FHIT: variants seen among roughly 807,000 people sequenced by gnomAD.
FHIT encodes fragile histidine triad diadenosine triphosphatase.
Under a neutral mutation model 17.9 loss-of-function variants are expected in FHIT, and 19 were observed. The observed-to-expected ratio is 1.06, with a 90% CI of 0.74 to 1.56. FHIT has a LOEUF of 1.56. Among genes scored for constraint, FHIT ranks in the 40% most tolerant of loss-of-function variants. The pLI is 0.00. For synonymous variants in FHIT, 81 were observed against 69.7 expected, an observed-to-expected ratio of 1.16 and a Z score of -0.81; for missense variants, 248 against 189.2, an observed-to-expected ratio of 1.31 and a Z score of -1.82.
intron 5 of FHIT, among the ~76,000 whole-genome samples, chr3:60,140,949 A>ATTTCTT (rs1409624397): frequency 6.6e-6 from 1 of 152,120 alleles, no homozygotes; most frequent in Admixed American, 6.5e-5. Flanking sequence ...CGGTCAGTAA[A>ATTTCTT]TTTCTTTTTC....
chr3:61,057,335 C>T (rs950793081), intron 2 of FHIT, among the ~76,000 whole-genome samples: 1 of 152,148 alleles, frequency 6.6e-6, no homozygotes, highest in Non-Finnish European at 1.5e-5. Flanking sequence ...ATTAAGTTAA[C>T]ATTGGGGGTT....
chr3:60,750,044 C>G (rs782790836), intron 4 of FHIT, among the ~76,000 whole-genome samples: 1 of 152,072 alleles, frequency 6.6e-6, no homozygotes, highest in African/African-American at 2.4e-5. Flanking sequence ...TTGTCAAAGC[C>G]ATATAACTAG....
intron 4 of FHIT, among the ~76,000 whole-genome samples, chr3:60,578,598 A>C (rs1380822959): frequency 6.6e-6 from 1 of 152,180 alleles, no homozygotes; most frequent in Non-Finnish European, 1.5e-5. Context: ...AATTCAGCTT[A>C]TATCATATGT....
intron 5 of FHIT, among the ~76,000 whole-genome samples, chr3:60,131,438 T>A (rs1351600556): frequency 6.6e-6 from 1 of 152,124 alleles, no homozygotes; most frequent in Admixed American, 6.6e-5. Context: ...CCAATACTCA[T>A]ATTCGCACAG....
intron 5 of FHIT, among the ~76,000 whole-genome samples, chr3:60,434,340 T>C (rs568190555): frequency 1.4e-4 from 22 of 152,258 alleles, no homozygotes; most frequent in African/African-American, 4.6e-4. Flanking sequence ...TTTTAAAGAA[T>C]AGGCAAGTTA....
chr3:59,795,551 C>T (rs902951248), intron 8 of FHIT, among the ~76,000 whole-genome samples: 1 of 151,872 alleles, frequency 6.6e-6, no homozygotes, highest in Non-Finnish European at 1.5e-5. Flanking sequence ...GGCAAAACCT[C>T]ATCTCTACCA....
At chr3:59,983,190 C>T (rs564183313) in intron 7 of FHIT, among the ~76,000 whole-genome samples, 1 of 152,180 alleles carries the variant, frequency 6.6e-6, no homozygotes, top group African/African-American at 2.4e-5. Flanking sequence ...CGGCCCACCT[C>T]AGTCTCCCAA....
intron 2 of FHIT, among the ~76,000 whole-genome samples, chr3:61,099,652 C>T (rs1456489984): frequency 2.6e-5 from 4 of 151,902 alleles, no homozygotes; most frequent in Admixed American, 6.6e-5. Context: ...GGTGGGTGAA[C>T]GTGTCTAGGA....
intron 5 of FHIT, among the ~76,000 whole-genome samples, chr3:60,173,915 A>ATATATATATATATATTTTTTTTTTTTT: frequency 1.5e-5 from 1 of 66,442 alleles, no homozygotes; most frequent in Non-Finnish European, 2.8e-5. Context: ...ATATATATAT[A>ATATATATATATATATTTTTTTTTTTTT]TGTTTTTTTT....
At chr3:59,893,679 G>A (rs1703948613) in intron 8 of FHIT, among the ~76,000 whole-genome samples, 1 of 152,184 alleles carries the variant, frequency 6.6e-6, no homozygotes, top group South Asian at 2.1e-4. Flanking sequence ...AAAGTTCAGG[G>A]GAGCCTGAAA....
At chr3:60,626,888 T>G (rs1463771264) in intron 4 of FHIT, among the ~76,000 whole-genome samples, 1 of 151,822 alleles carries the variant, frequency 6.6e-6, no homozygotes, top group Non-Finnish European at 1.5e-5. Flanking sequence ...TTTCCTTGAG[T>G]GTTTTTATCA....
chr3:60,900,578 C>T (rs1024833594), intron 3 of FHIT, among the ~76,000 whole-genome samples: 1 of 152,020 alleles, frequency 6.6e-6, no homozygotes, highest in African/African-American at 2.4e-5. Context: ...CATATTTGAG[C>T]CTGCATGGAC....
At position 60,115,392 on chromosome 3, in the gene FHIT, T is replaced by C. The variant is rs991722285; in HGVS notation, c.104-101240A>G. On this transcript the variant is annotated intron_variant, in intron 5 of 9. Transcript: ENST00000492590. ...AGAATAAGAAATATATGTGGTTAACTACCATATGATAAAATACTCAACTTC... is the reference window on the plus strand; with the variant it reads ...AGAATAAGAAATATATGTGGTTAACCACCATATGATAAAATACTCAACTTC... 4.6e-5 allele frequency among the ~76,000 whole-genome samples: 7 copies of C among 152,282 alleles called. No homozygotes were observed. The East Asian group carries it at 1.2e-3, about 25-fold the overall frequency.
chr3:60,993,136 G>C (rs1344724311), intron 3 of FHIT, among the ~76,000 whole-genome samples: 1 of 152,182 alleles, frequency 6.6e-6, no homozygotes, highest in Non-Finnish European at 1.5e-5. Context: ...GAATGGTTCA[G>C]AGTTTTTCTG....
At chr3:61,177,810 T>C (rs1253928318) in intron 2 of FHIT, among the ~76,000 whole-genome samples, 2 of 152,204 alleles carry the variant, frequency 1.3e-5, no homozygotes, top group African/African-American at 4.8e-5. Context: ...TCTGAAGCAA[T>C]GTAATTAGGT....
intron 2 of FHIT, among the ~76,000 whole-genome samples, chr3:61,128,912 T>C (rs1366456983): frequency 1.3e-5 from 2 of 152,268 alleles, no homozygotes; most frequent in East Asian, 3.9e-4. Flanking sequence ...ACCCTATACA[T>C]GCTTCCTACG....
intron 4 of FHIT, among the ~76,000 whole-genome samples, chr3:60,779,599 C>T (rs543893081): frequency 2.6e-5 from 4 of 152,178 alleles, no homozygotes; most frequent in Non-Finnish European, 5.9e-5. Flanking sequence ...ATCCTTTTCT[C>T]TCTCTTGTTG....
Position 60,090,416 on chromosome 3 carries a change from T to C in FHIT, c.104-76264A>G, listed in dbSNP as rs191958452. 2.2e-3 allele frequency among the ~76,000 whole-genome samples: 334 copies of C among 152,292 alleles called. 2 individuals carry two copies. Among genetic ancestry groups the C allele is most frequent in the Non-Finnish European group, 3.8e-3 (258 of 68,030 alleles). ...ATGACAGTACTAATTCAGTGGCCTG[T>C]TTGGTAGAAAGTCAGTCTCCCTTCT... On this transcript the variant is annotated intron_variant, in intron 5 of 9. Transcript: ENST00000492590.
At chr3:60,180,269 C>T (rs1701869107) in intron 5 of FHIT, among the ~76,000 whole-genome samples, 1 of 152,162 alleles carries the variant, frequency 6.6e-6, no homozygotes. Flanking sequence ...ATATACCGTG[C>T]TGTTGCAACA....
Sources: allele counts gnomAD v4.1 joint callset (sites outside exome capture counted in the v4.1 genomes callset), GRCh38; gene constraint gnomAD v4.1.1; transcripts MANE v1.5; gene names NCBI Gene and HGNC (gene_info 2026-07-23, HGNC 2026-07-21).